PTPN12: variants seen among roughly 807,000 people sequenced by gnomAD.
The protein encoded by PTPN12 is protein tyrosine phosphatase non-receptor type 12, also known as tyrosine-protein phosphatase non-receptor type 12.
A neutral mutation model predicts 97.6 loss-of-function variants in PTPN12; 29 were observed. The observed-to-expected ratio is 0.30, with a 90% CI of 0.22 to 0.41. The LOEUF (loss-of-function observed/expected upper bound fraction) is 0.41. Among genes scored for constraint, PTPN12 ranks in the 10% least tolerant of loss-of-function variants. PTPN12 has a pLI of 1.00. For missense variants in PTPN12, 819 were observed against 926.0 expected, an observed-to-expected ratio of 0.88 and a Z score of 1.50; for synonymous variants, 327 against 300.4, an observed-to-expected ratio of 1.09 and a Z score of -0.91.
chr7:77,612,997 C>G (rs1259962907), intron 11 of PTPN12, among the ~76,000 whole-genome samples: 7 of 151,690 alleles, frequency 4.6e-5, no homozygotes, highest in Non-Finnish European at 1.0e-4. Flanking sequence ...TCTCAAACTC[C>G]TGACCTCAGG....
intron 8 of PTPN12, chr7:77,601,023 T>C: frequency 2.1e-6 from 1 of 479,108 alleles, no homozygotes; most frequent in Non-Finnish European, 3.7e-6. Context: ...TTGAAAATAG[T>C]ATTCACATGG....
At chr7:77,588,019 A>C (rs550662835) in intron 5 of PTPN12, among the ~76,000 whole-genome samples, 31 of 152,152 alleles carry the variant, frequency 2.0e-4, no homozygotes, top group South Asian at 2.1e-4. Flanking sequence ...AGCTGGTTTG[A>C]TCTTCTATCT....
chr7:77,606,199 C>T (rs1000085571), intron 8 of PTPN12, among the ~76,000 whole-genome samples: 3 of 152,012 alleles, frequency 2.0e-5, no homozygotes, highest in East Asian at 1.9e-4. Flanking sequence ...AGTGATCCAC[C>T]GGCCTCAGGC....
intron 1 of PTPN12, among the ~76,000 whole-genome samples, chr7:77,556,259 C>T (rs775159577): frequency 6.6e-5 from 10 of 151,902 alleles, no homozygotes; most frequent in Non-Finnish European, 1.0e-4. Flanking sequence ...GAAGGGGTTT[C>T]GTCATGTTGC....
At chr7:77,624,337 C>T (rs1789054500) in intron 12 of PTPN12, among the ~76,000 whole-genome samples, 1 of 151,772 alleles carries the variant, frequency 6.6e-6, no homozygotes, top group African/African-American at 2.4e-5. Flanking sequence ...GTATTGCTGT[C>T]ATTTTAATAT....
chr7:77,585,747 G>A (rs1787669610), intron 5 of PTPN12, among the ~76,000 whole-genome samples, 166 bp downstream of exon 5: 1 of 151,968 alleles, frequency 6.6e-6, no homozygotes, highest in Non-Finnish European at 1.5e-5. Context: ...TCTCAAGCAT[G>A]TTGTTTTCTT....
chr7:77,543,409 A>G (rs1268835525), intron 1 of PTPN12, among the ~76,000 whole-genome samples: 2 of 148,852 alleles, frequency 1.3e-5, no homozygotes, highest in East Asian at 2.0e-4. Flanking sequence ...GTCTATGTGT[A>G]TATCCTCTTT....
intron 7 of PTPN12, among the ~76,000 whole-genome samples, chr7:77,599,135 T>G (rs1475513759): frequency 6.6e-6 from 1 of 151,916 alleles, no homozygotes; most frequent in Admixed American, 6.6e-5. Context: ...AAATTTGGAA[T>G]AGTTATACCT....
At chr7:77,598,905 GT>G (rs1286253915) in intron 7 of PTPN12, among the ~76,000 whole-genome samples, 3 of 150,804 alleles carry the variant, frequency 2.0e-5, no homozygotes, top group African/African-American at 7.3e-5. Flanking sequence ...TTTAAAGCAT[GT>G]GAAGTTAGTT....
intron 1 of PTPN12, among the ~76,000 whole-genome samples, chr7:77,549,466 TTATC>T (rs936431728): frequency 6.6e-6 from 1 of 152,298 alleles, no homozygotes. Flanking sequence ...AAAATTAAGA[TTATC>T]TATAAGCTGC....
At chr7:77,581,084 TG>T (rs1787501337) in intron 2 of PTPN12, among the ~76,000 whole-genome samples, 1 of 152,248 alleles carries the variant, frequency 6.6e-6, no homozygotes, top group African/African-American at 2.4e-5. Flanking sequence ...GTTGTTGTTT[TG>T]TTTTAAGACA....
chr7:77,591,214 T>C (rs1787857947), intron 5 of PTPN12, among the ~76,000 whole-genome samples: 1 of 152,202 alleles, frequency 6.6e-6, no homozygotes, highest in Non-Finnish European at 1.5e-5. Flanking sequence ...AGCCTATAGG[T>C]AATAACTCCA....
chr7:77,578,107 T>C (rs367739234), intron 2 of PTPN12, among the ~76,000 whole-genome samples: 1 of 152,208 alleles, frequency 6.6e-6, no homozygotes, highest in African/African-American at 2.4e-5. Flanking sequence ...CTCATTTGGA[T>C]TTACAGTCAC....
At chr7:77,612,112 A>G (rs1788590151) in intron 11 of PTPN12, among the ~76,000 whole-genome samples, 1 of 151,782 alleles carries the variant, frequency 6.6e-6, no homozygotes. Flanking sequence ...TTCTCCCTTT[A>G]AATGGTTTTG....
intron 1 of PTPN12, among the ~76,000 whole-genome samples, chr7:77,568,475 CA>C (rs1458077186): frequency 7.2e-5 from 11 of 151,962 alleles, no homozygotes; most frequent in African/African-American, 2.4e-4. Context: ...CCCAGCCCTA[CA>C]AAAAATAGTA....
chr7:77,575,219 G>A (rs1787301722), intron 2 of PTPN12, among the ~76,000 whole-genome samples: 1 of 152,160 alleles, frequency 6.6e-6, no homozygotes, highest in Non-Finnish European at 1.5e-5. Flanking sequence ...CCCGGGCACA[G>A]TGGCTCATGC....
chr7:77,565,126 G>A (rs991448237), intron 1 of PTPN12, among the ~76,000 whole-genome samples: 3 of 152,174 alleles, frequency 2.0e-5, no homozygotes, highest in African/African-American at 7.2e-5. Flanking sequence ...TCTAATAACA[G>A]AGCATGAGAG....
At chr7:77,579,162 C>T (rs918270798) in intron 2 of PTPN12, among the ~76,000 whole-genome samples, 1 of 152,132 alleles carries the variant, frequency 6.6e-6, no homozygotes, top group Non-Finnish European at 1.5e-5. Flanking sequence ...CACTCTGTCA[C>T]CCAGGCTGGA....
chr7:77,541,380 G>T (rs778957905), intron 1 of PTPN12, among the ~76,000 whole-genome samples: 3 of 152,124 alleles, frequency 2.0e-5, no homozygotes, highest in Admixed American at 1.3e-4. Flanking sequence ...GTGAGCCACC[G>T]TAGCCGGCCT....
Sources: allele counts gnomAD v4.1 joint callset (sites outside exome capture counted in the v4.1 genomes callset), GRCh38; gene constraint gnomAD v4.1.1; transcripts MANE v1.5; gene names NCBI Gene and HGNC (gene_info 2026-07-23, HGNC 2026-07-21).